LAMB4: variants seen among roughly 807,000 people sequenced by gnomAD.
LAMB4 encodes the protein laminin subunit beta 4, also known as laminin subunit beta-4.
Under a neutral mutation model 199.2 loss-of-function variants are expected in LAMB4, and 196 were observed. That is an observed-to-expected ratio of 0.98 (90% CI 0.88 to 1.11). LAMB4 has a LOEUF of 1.11. Among genes scored for constraint, LAMB4 ranks in the 50% least tolerant of loss-of-function variants. LAMB4 has a pLI of 0.00. For missense variants in LAMB4, 2,080 were observed against 2,171.2 expected, an observed-to-expected ratio of 0.96 and a Z score of 0.83; for synonymous variants, 744 against 770.6, an observed-to-expected ratio of 0.97 and a Z score of 0.57.
At chr7:108,013,054 C>T in the LAMB4 span, among the ~76,000 whole-genome samples, 1 of 152,242 alleles carries the variant, frequency 6.6e-6, no homozygotes, top group African/African-American at 2.4e-5. Context: ...CACCCCACCT[C>T]TCACACTCAG....
At chr7:108,035,604 C>CAAAAAAAAAA (rs34425857) in intron 30 of LAMB4, among the ~76,000 whole-genome samples, 103 of 79,786 alleles carry the variant, frequency 1.3e-3, no homozygotes, top group Middle Eastern at 0.017. Context: ...TAGAGAGTAC[C>CAAAAAAAAAA]AAAAAAAAAA....
At position 108,076,983 on chromosome 7, in the gene LAMB4, T is replaced by C. The variant is rs2036727195; in HGVS notation, c.2085A>G (p.Gln695=). ...SIDVYFSQPL[Q]GESHAHSHVL... is the part of the protein sequence containing the mutation. ...CATGTGAATGAGCGTGGGACTCTCC[T>C]TGCAAAGGCTGAGAAAAATAGACAT... is the stretch of plus-strand genomic sequence containing the variant. Residue 695 remains glutamine, a synonymous_variant, in exon 17 of 34, where the codon CAA becomes CAG. Coordinates refer to ENST00000388781, the MANE Select transcript of LAMB4 (RefSeq NM_007356.3). 2 of 1,614,116 alleles carry C rather than the reference T, an allele frequency of 1.2e-6. No individual in the cohort carries two copies. Among genetic ancestry groups the C allele is most frequent in the Non-Finnish European group, 1.7e-6 (2 of 1,179,966 alleles).
intron 21 of LAMB4, 32 bp downstream of exon 21, chr7:108,065,730 G>C (rs1365658253): frequency 3.2e-5 from 51 of 1,587,386 alleles, no homozygotes; most frequent in Non-Finnish European, 4.2e-5. Flanking sequence ...GGGATAAAGA[G>C]AAAAAATTGC....
At chr7:108,075,085 T>TC (rs1252182144) in intron 17 of LAMB4, among the ~76,000 whole-genome samples, 3 of 152,042 alleles carry the variant, frequency 2.0e-5, no homozygotes, top group Non-Finnish European at 2.9e-5. Context: ...TTTTGGCATT[T>TC]CCCCCCCAAA....
chr7:108,128,381 G>T (rs2038868852), intron 1 of LAMB4, among the ~76,000 whole-genome samples: 1 of 152,126 alleles, frequency 6.6e-6, no homozygotes, highest in Non-Finnish European at 1.5e-5. Flanking sequence ...GAGGCCAGGG[G>T]TGCTGCTAAG....
At chr7:108,014,719 G>GTT in the LAMB4 span, among the ~76,000 whole-genome samples, 5 of 142,534 alleles carry the variant, frequency 3.5e-5, no homozygotes, top group Admixed American at 7.0e-5. Flanking sequence ...ACTGGTTGTT[G>GTT]TTTTTTTTTT....
In LAMB4 at chr7:108,066,465, T is replaced by C; in HGVS notation, c.2582A>G (p.His861Arg). ...LAGYFGFPSC[H>R]PCPCNRFAEL... ...AGCAAACCTATTACAAGGGCAAGGGTGGCAGCTGGGAAATCCAAAGTAGCC... is the reference window on the plus strand; with the variant it reads ...AGCAAACCTATTACAAGGGCAAGGGCGGCAGCTGGGAAATCCAAAGTAGCC... The change falls in exon 20 of 34, where the codon CAC becomes CGC. Residue 861 changes from histidine to arginine, a missense_variant. By Grantham distance (29) the His-to-Arg change is conservative (BLOSUM62 0). Coordinates refer to ENST00000388781, the MANE Select transcript of LAMB4 (RefSeq NM_007356.3). 6.2e-7 allele frequency: 1 copy of C among 1,614,164 alleles called. No individual in the cohort carries two copies. Among genetic ancestry groups the C allele is most frequent in the Non-Finnish European group, 8.5e-7 (1 of 1,180,028 alleles).
chr7:108,074,566 G>A (rs955108674), intron 17 of LAMB4, among the ~76,000 whole-genome samples: 11 of 151,866 alleles, frequency 7.2e-5, no homozygotes, highest in African/African-American at 2.4e-4. Context: ...ACGGGGTTTC[G>A]CCATGTTGCC....
At chr7:108,079,133 CA>C (rs1342660581) in intron 15 of LAMB4, among the ~76,000 whole-genome samples, 1 of 152,160 alleles carries the variant, frequency 6.6e-6, no homozygotes, top group African/African-American at 2.4e-5. Flanking sequence ...AGGTGGGCGG[CA>C]GGGGGTCTAC....
chr7:108,030,986 T>C lies in LAMB4; in HGVS notation c.4819-7A>G. On this transcript the variant is annotated splice_polypyrimidine_tract_variant and splice_region_variant and intron_variant, in intron 31 of 33. Transcript: ENST00000388781. ...CCCTGGTTTGATTTTCAGCCTGTTG[T>C]TGATTTAAAGACCAAAAAGGGAAAA... 1.9e-6 allele frequency: 3 copies of C among 1,612,026 alleles called. No homozygotes were observed. The highest frequency in any genetic ancestry group is 2.5e-6 in the Non-Finnish European group (3 of 1,178,840).
At chr7:108,113,659 T>G (rs1470457691) in intron 3 of LAMB4, among the ~76,000 whole-genome samples, 2 of 152,230 alleles carry the variant, frequency 1.3e-5, no homozygotes, top group African/African-American at 2.4e-5. Context: ...ATGTTTAACT[T>G]CAGGGCTTGT....
At chr7:108,028,341 T>G (rs1174851873) in intron 33 of LAMB4, among the ~76,000 whole-genome samples, 2 of 152,176 alleles carry the variant, frequency 1.3e-5, no homozygotes, top group Non-Finnish European at 2.9e-5. Flanking sequence ...AGTTGCCTTG[T>G]GCATTGTGGG....
At chr7:108,058,035 T>G in intron 23 of LAMB4, 107 bp from the exon 24 acceptor site, 1 of 737,400 alleles carries the variant, frequency 1.4e-6, no homozygotes, top group Non-Finnish European at 2.4e-6. Flanking sequence ...CATACAGCTG[T>G]GCAAAGGCGG....
intron 18 of LAMB4, among the ~76,000 whole-genome samples, chr7:108,068,677 GTGTTT>G (rs1312315844): frequency 2.0e-5 from 3 of 151,490 alleles, no homozygotes; most frequent in Non-Finnish European, 4.4e-5. Context: ...CCCCTTACTA[GTGTTT>G]TGTTTGTTTG....
At chr7:108,091,446 G>C (rs2037397927) in intron 14 of LAMB4, among the ~76,000 whole-genome samples, 180 bp downstream of exon 14, 1 of 152,210 alleles carries the variant, frequency 6.6e-6, no homozygotes, top group South Asian at 2.1e-4. Flanking sequence ...ACTAAACAGA[G>C]ACTCTGCTCT....
chr7:108,043,811 C>T lies in LAMB4; in HGVS notation c.4412G>A (p.Ser1471Asn), dbSNP rs781436280. 3.1e-6 allele frequency: 5 copies of T among 1,606,866 alleles called. No homozygotes were observed. The highest frequency in any genetic ancestry group is 2.2e-5 in the South Asian group (2 of 90,210). Residue 1471 changes from serine (S) to asparagine (N), a missense_variant, in exon 29 of 34, where the codon AGT becomes AAT. Physicochemically the swap from Ser to Asn is conservative, Grantham distance 46. Transcript: ENST00000388781. ...ATTGATGTTTTCTTCTTCAGAGTCA[C>T]TTTGGTTTCTTATATTTCCCAGTTT... is the stretch of plus-strand genomic sequence containing the variant. ...REKLGNIRNQ[S>N]DSEEENINLF... is the part of the protein sequence containing the mutation.
intron 33 of LAMB4, 79 bp downstream of exon 33, chr7:108,028,964 A>G: frequency 7.5e-7 from 1 of 1,331,930 alleles, no homozygotes; most frequent in Non-Finnish European, 1.0e-6. Context: ...GTAAGCTGAC[A>G]TTGGTATAAA....
At position 108,082,048 on chromosome 7, in the gene LAMB4, C is replaced by T. The variant is rs892163973; in HGVS notation, c.1702-2262G>A. Among the ~76,000 whole-genome samples the T allele has an allele frequency of 5.3e-5, 8 of 152,040 alleles. No homozygotes were observed. The East Asian group carries it at 5.8e-4, about 11-fold the overall frequency. ...ATTAATTGTAAGAGTTGCAGAACTT[C>T]GGCCGGGTGAGGTGGCTCACGCCTG... On this transcript the variant is annotated intron_variant, in intron 14 of 33. Transcript: ENST00000388781.
Position 108,106,007 on chromosome 7 carries a change from C to T in LAMB4, c.680G>A (p.Arg227Lys), listed in dbSNP as rs2037995957. ...GGTGTGGAGCTTGGTAAAGTTTATC[C>T]TCAGGTTTGTCAATGTCACAAGGTC... ...IQDLVTLTNLRINFTKLHTLG... is the reference protein window; with the variant it reads ...IQDLVTLTNLKINFTKLHTLG... The change falls in exon 8 of 34, where the codon AGG becomes AAG. Residue 227 changes from arginine (R) to lysine (K), a missense_variant. Arg to Lys is a conservative substitution (Grantham distance 26). Coordinates refer to ENST00000388781, the MANE Select transcript of LAMB4 (RefSeq NM_007356.3). 2 of 1,613,782 alleles carry T rather than the reference C, an allele frequency of 1.2e-6. No individual in the cohort carries two copies. Among genetic ancestry groups the T allele is most frequent in the South Asian group, 2.2e-5 (2 of 91,034 alleles).
Sources: allele counts gnomAD v4.1 joint callset (sites outside exome capture counted in the v4.1 genomes callset), GRCh38; gene constraint gnomAD v4.1.1; transcripts MANE v1.5; gene names NCBI Gene and HGNC (gene_info 2026-07-23, HGNC 2026-07-21).